ADNP: variants seen among roughly 807,000 people sequenced by gnomAD.
The protein encoded by ADNP is activity dependent neuroprotector homeobox, also known as activity-dependent neuroprotector homeobox protein.
In ADNP, 4 loss-of-function variants were observed where a neutral mutation model predicts 84.9. That is an observed-to-expected ratio of 0.05 (90% confidence interval 0.02 to 0.11). ADNP has a LOEUF of 0.11. Ranked by LOEUF, ADNP falls within the 10% of genes least tolerant of loss-of-function variation. The probability of loss-of-function intolerance (pLI) is 1.00; values close to 1 mark genes in which losing one functional copy is unlikely to be tolerated. For missense variants in ADNP, 1,132 were observed against 1,326.0 expected (o/e 0.85, Z 2.27); for synonymous variants, 554 against 468.1 (o/e 1.18, Z -2.37).
chr20:50,907,635 T>C (rs1982621432), intron 2 of ADNP, among the ~76,000 whole-genome samples: 1 of 149,812 alleles, frequency 6.7e-6, no homozygotes, highest in African/African-American at 2.5e-5. Flanking sequence ...CAGGCTGGAG[T>C]GTAGTGGTGT....
Position 50,893,397 on chromosome 20 carries a change from G to A in ADNP, c.1317C>T (p.Asn439=), listed in dbSNP as rs370485692. 5.0e-6 allele frequency: 8 copies of A among 1,614,208 alleles called. No individual in the cohort carries two copies. Among genetic ancestry groups the A allele is most frequent in the Non-Finnish European group, 5.9e-6 (7 of 1,180,036 alleles). The stretch of plus-strand genomic sequence containing the variant: ...TTTTCCACTTTTGAGTTGAGGAAGT[G>A]TTACCTGGGGGAGGGCCTGTGGCAG... ...AAAATGPPPG[N]TSSTQKWKIC... The change falls in exon 6 of 6, where the codon AAC becomes AAT. Residue 439 remains asparagine, a synonymous_variant. Coordinates refer to ENST00000621696, the MANE Select transcript of ADNP (RefSeq NM_001282531.3). The surrounding 1 kb of genome is among the most constrained non-coding windows in gnomAD (Gnocchi z 4.4).
intron 3 of ADNP, 142 bp from the exon 4 acceptor site, chr20:50,904,143 A>G: frequency 1.6e-6 from 1 of 623,888 alleles, no homozygotes; most frequent in Non-Finnish European, 2.8e-6. Flanking sequence ...GTACACACAC[A>G]GACACACACC....
chr20:50,928,359 T>C (rs1160503378), intron 2 of ADNP, among the ~76,000 whole-genome samples: 1 of 152,206 alleles, frequency 6.6e-6, no homozygotes, highest in African/African-American at 2.4e-5. Context: ...ACTCTAGAGA[T>C]TGGGTTATCA....
chr20:50,904,870 CA>C (rs1366078751), intron 2 of ADNP, 21 bp from the exon 3 acceptor site: 1 of 151,914 alleles, frequency 6.6e-6, no homozygotes, highest in African/African-American at 2.4e-5. Context: ...AAAACAAAAA[CA>C]AAAACAAAAA....
At chr20:50,895,794 A>C (rs6091235) in intron 5 of ADNP, among the ~76,000 whole-genome samples, 1 of 152,200 alleles carries the variant, frequency 6.6e-6, no homozygotes, top group African/African-American at 2.4e-5. Flanking sequence ...TTGGCTTCCC[A>C]AAGTGCTGGG....
At chr20:50,923,757 A>C (rs949330137) in intron 2 of ADNP, among the ~76,000 whole-genome samples, 1 of 151,974 alleles carries the variant, frequency 6.6e-6, no homozygotes, top group African/African-American at 2.4e-5. Context: ...ACCTCAGGTG[A>C]CCCGCCAGCC....
intron 1 of ADNP, among the ~76,000 whole-genome samples, chr20:50,929,566 G>C (rs1984519800): frequency 6.6e-6 from 1 of 152,220 alleles, no homozygotes; most frequent in Non-Finnish European, 1.5e-5. Context: ...ACCCAGTGCA[G>C]AGAATGCGCC....
intron 5 of ADNP, among the ~76,000 whole-genome samples, chr20:50,895,370 G>C (rs6091233): frequency 0.093 from 14,210 of 152,194 alleles, 737 homozygotes; most frequent in African/African-American, 0.14. Context: ...GTAAATATTT[G>C]TATGTTTAAA....
rs370968237 is a variant in ADNP at position 50,891,567 on chromosome 20, A to G, written c.3147T>C (p.Asn1049=). 7.8e-5 allele frequency: 125 copies of G among 1,612,594 alleles called. No individual in the cohort carries two copies. Among genetic ancestry groups the G allele is most frequent in the Non-Finnish European group, 9.7e-5 (115 of 1,180,042 alleles). The change falls in exon 6 of 6, where the codon AAT becomes AAC. Residue 1049 remains asparagine (N), a synonymous_variant. Coordinates refer to ENST00000621696, the MANE Select transcript of ADNP (RefSeq NM_001282531.3). ...ATAAGCGCTCATCATTCTCAGATGC[A>G]TTCTTCCACTGTGACTGGTCCTTAG... is the stretch of plus-strand genomic sequence containing the variant. ...FWSKDQSQWK[N]ASENDERLSN...
rs1367086588 is a variant in ADNP, at chr20:50,893,595, T to C, written c.1119A>G (p.Gly373=). Residue 373 remains glycine (G), a synonymous_variant, in exon 6 of 6, where the codon GGA becomes GGG. Transcript: ENST00000621696. This position sits in a 1 kb window ranked among gnomAD's most constrained non-coding sequence, Gnocchi z 4.4. ...ACCCAAGCCCATAAGACCTTCCGTT[T>C]CCACTTGGAAGTAACTGCTTTACAG... The part of the protein sequence containing the change: ...SQSVKQLLPS[G]NGRSYGLGSE... 5.6e-6 allele frequency: 9 copies of C among 1,614,170 alleles called. No homozygotes were observed. In the South Asian group the frequency reaches 8.8e-5, roughly 16 times the overall value.
intron 3 of ADNP, 40 bp from the exon 4 acceptor site, chr20:50,904,041 A>G: frequency 6.9e-7 from 1 of 1,443,634 alleles, no homozygotes; most frequent in African/African-American, 1.4e-5. Flanking sequence ...CAAAACACGT[A>G]CAACTTGTAA....
In ADNP at chr20:50,891,771, C is replaced by T; in HGVS notation, c.2943G>A (p.Val981=). The change falls in exon 6 of 6, where the codon GTG becomes GTA. Residue 981 remains valine, a synonymous_variant. Transcript: ENST00000621696. ...CGCAGGTATTGTCCTCAAAGTCTGA[C>T]ACTTGTTGGGATCCAGGCCCACTCT... is the stretch of plus-strand genomic sequence containing the variant. ...PSESGPGSQQ[V]SDFEDNTCEM... is the part of the protein sequence containing the mutation. 2 of 1,614,176 alleles carry T rather than the reference C, an allele frequency of 1.2e-6. No individual in the cohort carries two copies. Among genetic ancestry groups the T allele is most frequent in the South Asian group, 1.1e-5 (1 of 91,088 alleles).
intron 2 of ADNP, 189 bp from the exon 3 acceptor site, chr20:50,905,038 T>G (rs542123430): frequency 2.6e-5 from 4 of 152,232 alleles, no homozygotes; most frequent in Admixed American, 2.6e-4. Flanking sequence ...AGGGTACTTT[T>G]GAAAAAAATG....
Position 50,893,834 on chromosome 20 carries a change from T to C in ADNP, c.880A>G (p.Asn294Asp), listed in dbSNP as rs1055988910. 2 of 1,614,094 alleles carry C rather than the reference T, an allele frequency of 1.2e-6. No individual in the cohort carries two copies. Among genetic ancestry groups the C allele is most frequent in the Non-Finnish European group, 1.7e-6 (2 of 1,180,052 alleles). The part of the protein sequence containing the change: ...PPRIGSLASG[N>D]VRSLPSQQMV... ...TGCTGTGATGGTAAAGACCGGACAT[T>C]TCCAGAAGCAAGGGAACCGATCCTT... Residue 294 changes from asparagine (N) to aspartate (D), a missense_variant, in exon 6 of 6, where the codon AAT (asparagine) becomes GAT (aspartate). Asn to Asp is a conservative substitution (Grantham distance 23). This residue lies in a region of ADNP where 239 missense variants were observed against 213.2 expected (regional missense o/e 1.12). Coordinates refer to ENST00000621696, the MANE Select transcript of ADNP (RefSeq NM_001282531.3). This position sits in a 1 kb window ranked among gnomAD's most constrained non-coding sequence, Gnocchi z 4.4.
At chr20:50,913,979 A>C in intron 2 of ADNP, 1 of 736,094 alleles carries the variant, frequency 1.4e-6, no homozygotes, top group Non-Finnish European at 2.5e-6. Context: ...TGTGCTGGCC[A>C]GAATGAGACT....
intron 2 of ADNP, among the ~76,000 whole-genome samples, chr20:50,915,697 A>G (rs1983457120): frequency 6.6e-6 from 1 of 152,182 alleles, no homozygotes; most frequent in Non-Finnish European, 1.5e-5. Context: ...TTAGCAGATA[A>G]AACTGTGCAG....
intron 5 of ADNP, among the ~76,000 whole-genome samples, chr20:50,897,985 C>G (rs1434339125): frequency 1.3e-5 from 2 of 152,262 alleles, no homozygotes; most frequent in East Asian, 3.9e-4. Context: ...TCTCAACATG[C>G]CAAATCACAA....
intron 1 of ADNP, among the ~76,000 whole-genome samples, chr20:50,929,110 C>T (rs1281806051): frequency 6.6e-6 from 1 of 152,162 alleles, no homozygotes; most frequent in Non-Finnish European, 1.5e-5. Context: ...TGATTTTTAA[C>T]TCTCAAAGAA....
chr20:50,925,263 TACACAC>T (rs57985341), intron 2 of ADNP, among the ~76,000 whole-genome samples: 3,541 of 149,076 alleles, frequency 0.024, 125 homozygotes, highest in African/African-American at 0.078. Flanking sequence ...TGACTTCCTA[TACACAC>T]ACACACACAC....
Sources: allele counts gnomAD v4.1 joint callset (sites outside exome capture counted in the v4.1 genomes callset), GRCh38; gene constraint gnomAD v4.1.1; regional missense constraint gnomAD v4.1.1; non-coding constraint Gnocchi (gnomAD v3.1); transcripts MANE v1.5; gene names NCBI Gene and HGNC (gene_info 2026-07-23, HGNC 2026-07-21).